The following PLEKHG3 variants were observed in gnomAD, a reference collection of about 807,000 sequenced individuals.
PLEKHG3 encodes pleckstrin homology and RhoGEF domain containing G3.
Under a neutral mutation model 94.9 loss-of-function variants are expected in PLEKHG3, and 62 were observed. The ratio of observed to expected loss-of-function variants is 0.65; its 90% CI spans 0.53 to 0.81. The LOEUF (loss-of-function observed/expected upper bound fraction) is 0.81. Among genes scored for constraint, PLEKHG3 ranks in the 30% least tolerant of loss-of-function variants. The probability of loss-of-function intolerance (pLI) is 0.00; values close to 1 mark genes in which losing one functional copy is unlikely to be tolerated. For synonymous variants in PLEKHG3, 614 were observed against 654.0 expected, an observed-to-expected ratio of 0.94 and a Z score of 0.93; for missense variants, 1,461 against 1,619.3, an observed-to-expected ratio of 0.90 and a Z score of 1.68.
At position 64,738,872 on chromosome 14, in the gene PLEKHG3, T is replaced by G. The variant is rs1465795765; in HGVS notation, c.1518+17T>G. On this transcript the variant is annotated intron_variant, in intron 15 of 16. Coordinates refer to ENST00000247226, the MANE Select transcript of PLEKHG3 (RefSeq NM_001308147.2). This position sits in a 1 kb window ranked among gnomAD's most constrained non-coding sequence, Gnocchi z 4.8. ...CTGCCAGAGGTGAGCGACCAGCAGG[T>G]GGGATGGGGATAGTAGGAAGAACTT... 2.0e-6 allele frequency: 3 copies of G among 1,479,270 alleles called. No homozygotes were observed. The highest frequency in any genetic ancestry group is 2.8e-6 in the Non-Finnish European group (3 of 1,076,500). The allele number at this position is 1,479,270 out of a possible 1,614,324, so 91.6% of individuals were successfully genotyped here. A position where few individuals can be genotyped will look rare whatever the true frequency, so the allele number is the denominator to read the frequency against.
chr14:64,749,378 G>A lies in PLEKHG3; in HGVS notation c.*5675G>A, dbSNP rs1387313899. The A allele has an allele frequency of 1.9e-6, 3 of 1,610,194 alleles. No homozygotes were observed. Among genetic ancestry groups the A allele is most frequent in the Non-Finnish European group, 2.5e-6 (3 of 1,179,786 alleles). ...TGCCGAGGCTGGCGTCGGGGCCGGA[G>A]AGGGAAGGCAGGGGCAGGCTCTGCG... On this transcript the variant is annotated 3_prime_UTR_variant, in exon 17 of 17. Transcript: ENST00000247226. The surrounding 1 kb of genome is among the most constrained non-coding windows in gnomAD (Gnocchi z 4.7).
intron 1 of PLEKHG3, among the ~76,000 whole-genome samples, chr14:64,712,869 TC>T (rs1246397728): frequency 6.6e-6 from 1 of 152,238 alleles, no homozygotes; most frequent in East Asian, 1.9e-4. Flanking sequence ...AGACTGGATA[TC>T]CTTGTCTTCT....
chr14:64,723,989 T>G lies in PLEKHG3; in HGVS notation c.-39-3604T>G, dbSNP rs1456308257. ...TGCTGCCTGCCTCATCACCTCCTTCTCTGGCCTCCTACTTCCCTAGCAGAC... is the reference window on the plus strand; with the variant it reads ...TGCTGCCTGCCTCATCACCTCCTTCGCTGGCCTCCTACTTCCCTAGCAGAC... On this transcript the variant is annotated intron_variant, in intron 1 of 16. Coordinates refer to ENST00000247226, the MANE Select transcript of PLEKHG3 (RefSeq NM_001308147.2). The surrounding 1 kb of genome is among the most constrained non-coding windows in gnomAD (Gnocchi z 4.5). 1 of 152,154 alleles carries G rather than the reference T, an allele frequency of 6.6e-6. No homozygotes were observed. Among genetic ancestry groups the G allele is most frequent in the East Asian group, 1.9e-4 (1 of 5,194 alleles). 9.4% of individuals were successfully genotyped at this position (152,154 alleles called of 1,614,324 possible). A position where few individuals can be genotyped will look rare whatever the true frequency, so the allele number is the denominator to read the frequency against.
intron 1 of PLEKHG3, among the ~76,000 whole-genome samples, chr14:64,711,844 A>T (rs187751700): frequency 6.6e-6 from 1 of 152,350 alleles, no homozygotes; most frequent in African/African-American, 2.4e-5. Context: ...TAAAATTTTG[A>T]TGATGAAGTA....
chr14:64,728,008 A>G lies in PLEKHG3; in HGVS notation c.351+26A>G, dbSNP rs907827386. 8 of 1,395,340 alleles carry G rather than the reference A, an allele frequency of 5.7e-6. 1 individual carries two copies. Among genetic ancestry groups the G allele is most frequent in the Middle Eastern group, 4.3e-4 (2 of 4,694 alleles). 86.4% of individuals were successfully genotyped at this position (1,395,340 alleles called of 1,614,324 possible). On this transcript the variant is annotated intron_variant, in intron 2 of 16. Transcript: ENST00000247226. This position sits in a 1 kb window ranked among gnomAD's most constrained non-coding sequence, Gnocchi z 5.9. ...GTGCGTGTCGGAGGCCTTGCGGCAC[A>G]GTATTCTAGCAGAAGCCTGTTTCAC...
rs915424863 is a variant in PLEKHG3, at chr14:64,732,004, T to G, written c.1126-91T>G. Reference sequence around the variant, plus strand: ...CACAGAGGCCCCAGCATGGCCCCACTTTTTCTCCCTGGGTGGAAGCACTGT... The same window carrying G: ...CACAGAGGCCCCAGCATGGCCCCACGTTTTCTCCCTGGGTGGAAGCACTGT... On this transcript the variant is annotated intron_variant, in intron 9 of 16. Transcript: ENST00000247226. The surrounding 1 kb of genome is among the most constrained non-coding windows in gnomAD (Gnocchi z 4.9). 6.8e-6 allele frequency: 7 copies of G among 1,036,500 alleles called. No individual in the cohort carries two copies. Among genetic ancestry groups the G allele is most frequent in the Non-Finnish European group, 9.1e-6 (6 of 661,040 alleles). The allele number at this position is 1,036,500 out of a possible 1,614,324, so 64.2% of individuals were successfully genotyped here. A position where few individuals can be genotyped will look rare whatever the true frequency, so the allele number is the denominator to read the frequency against.
chr14:64,727,895 C>T lies in PLEKHG3; in HGVS notation c.264C>T (p.His88=). 3.1e-6 allele frequency: 5 copies of T among 1,612,874 alleles called. No homozygotes were observed. Among genetic ancestry groups the T allele is most frequent in the Non-Finnish European group, 4.2e-6 (5 of 1,179,278 alleles). ...FNSRAAAGPA[H]HKLSYLGRVV... is the part of the protein sequence containing the mutation. ...GCCGGGCAGCGGCAGGGCCTGCACACCACAAGCTCAGCTACCTGGGCCGAG... is the reference window on the plus strand; with the variant it reads ...GCCGGGCAGCGGCAGGGCCTGCACATCACAAGCTCAGCTACCTGGGCCGAG... The change falls in exon 2 of 17, where the codon CAC becomes CAT. Residue 88 remains histidine, a synonymous_variant. Coordinates refer to ENST00000247226, the MANE Select transcript of PLEKHG3 (RefSeq NM_001308147.2). The surrounding 1 kb of genome is among the most constrained non-coding windows in gnomAD (Gnocchi z 6.0).
chr14:64,707,924 A>G (rs1044809027), intron 1 of PLEKHG3, among the ~76,000 whole-genome samples: 3 of 152,232 alleles, frequency 2.0e-5, no homozygotes, highest in African/African-American at 7.2e-5. Context: ...GGCAATGTAC[A>G]GTGAGATAAC....
intron 12 of PLEKHG3, among the ~76,000 whole-genome samples, chr14:64,733,229 A>G (rs1319879034): frequency 7.1e-6 from 1 of 141,798 alleles, no homozygotes; most frequent in Non-Finnish European, 1.5e-5. Flanking sequence ...CAGTGGCTCG[A>G]TCTCGGCTCA....
At position 64,732,754 on chromosome 14, in the gene PLEKHG3, C is replaced by T. The variant is rs1376576336; in HGVS notation, c.1247-49C>T. 8 of 1,450,594 alleles carry T rather than the reference C, an allele frequency of 5.5e-6. No homozygotes were observed. The South Asian group carries it at 9.7e-5, about 18-fold the overall frequency. 89.9% of individuals were successfully genotyped at this position (1,450,594 alleles called of 1,614,324 possible). A position where few individuals can be genotyped will look rare whatever the true frequency, so the allele number is the denominator to read the frequency against. The stretch of plus-strand genomic sequence containing the variant: ...GTTATGGACAGGGTCTAGGGTAGGC[C>T]AAGGCCAATTGGGAATCAAAAGCTT... On this transcript the variant is annotated intron_variant, in intron 11 of 16. Coordinates refer to ENST00000247226, the MANE Select transcript of PLEKHG3 (RefSeq NM_001308147.2). This position sits in a 1 kb window ranked among gnomAD's most constrained non-coding sequence, Gnocchi z 4.9.
chr14:64,727,925 G>A lies in PLEKHG3; in HGVS notation c.294G>A (p.Val98=). Residue 98 remains valine, a synonymous_variant, in exon 2 of 17, where the codon GTG becomes GTA. Transcript: ENST00000247226. The surrounding 1 kb of genome is among the most constrained non-coding windows in gnomAD (Gnocchi z 6.0). ...AGCTCAGCTACCTGGGCCGAGTGGT[G>A]CGGGAGATCGTGGAGACAGAGCGCA... ...HHKLSYLGRV[V]REIVETERMY... 6.2e-7 allele frequency: 1 copy of A among 1,609,240 alleles called. No individual in the cohort carries two copies. Among genetic ancestry groups the A allele is most frequent in the South Asian group, 1.1e-5 (1 of 90,896 alleles).
intron 15 of PLEKHG3, among the ~76,000 whole-genome samples, chr14:64,740,473 C>T (rs1327616836): frequency 1.3e-5 from 2 of 152,256 alleles, no homozygotes; most frequent in African/African-American, 2.4e-5. Context: ...TGGTCCTCAT[C>T]CTCTGACGAG....
Position 64,727,540 on chromosome 14 carries a change from C to T in PLEKHG3, c.-39-53C>T. The T allele has an allele frequency of 2.6e-6, 1 of 390,138 alleles. No homozygotes were observed. The highest frequency in any genetic ancestry group is 3.2e-5 in the Admixed American group (1 of 31,164). The allele number at this position is 390,138 out of a possible 1,614,324, so 24.2% of individuals were successfully genotyped here. On this transcript the variant is annotated intron_variant, in intron 1 of 16. Transcript: ENST00000247226. This position sits in a 1 kb window ranked among gnomAD's most constrained non-coding sequence, Gnocchi z 6.0. ...CACCCCTGGCAACCGTCCCTCTGTT[C>T]TGTTTCTGTGGGCATTCAGAGGTTG...
rs371648572 is a variant in PLEKHG3 at position 64,741,131 on chromosome 14, A to G, written c.1614A>G (p.Pro538=). ...AEETPSDTES[P]EVLETQLDAH... is the part of the protein sequence containing the mutation. ...AGACGCCTTCAGACACAGAATCTCC[A>G]GAAGTCCTGGAGACACAGCTTGATG... The change falls in exon 16 of 17, where the codon CCA becomes CCG. Residue 538 remains proline (P), a synonymous_variant. Coordinates refer to ENST00000247226, the MANE Select transcript of PLEKHG3 (RefSeq NM_001308147.2). 1 of 1,614,130 alleles carries G rather than the reference A, an allele frequency of 6.2e-7. No homozygotes were observed.
At chr14:64,719,736 A>T (rs1304711255) in intron 1 of PLEKHG3, among the ~76,000 whole-genome samples, 2 of 151,856 alleles carry the variant, frequency 1.3e-5, no homozygotes, top group Admixed American at 1.3e-4. Context: ...AGTAAAATGC[A>T]GCTTCCTCCT....
rs1187331977 is a variant in PLEKHG3, at chr14:64,716,461, CACACA to C, written c.-39-11126_-39-11122del. Among the ~76,000 whole-genome samples, 18 of 120,284 alleles carry C rather than the reference CACACA, an allele frequency of 1.5e-4. No homozygotes were observed. The highest frequency in any genetic ancestry group is 5.4e-4 in the South Asian group (2 of 3,674). The allele number at this position is 120,284 out of a possible 152,430, so 78.9% of individuals were successfully genotyped here. A position where few individuals can be genotyped will look rare whatever the true frequency, so the allele number is the denominator to read the frequency against. ...ACACACACACACACACACACACACACACACAACACACACACACACAACACACACAC... is the reference window on the plus strand; with the variant it reads ...ACACACACACACACACACACACACACACACACACACACACAACACACACAC... On this transcript the variant is annotated intron_variant, in intron 1 of 16. Coordinates refer to ENST00000247226, the MANE Select transcript of PLEKHG3 (RefSeq NM_001308147.2). This position sits in a 1 kb window ranked among gnomAD's most constrained non-coding sequence, Gnocchi z 5.0.
At position 64,737,016 on chromosome 14, in the gene PLEKHG3, C is replaced by G. The variant is rs142950067; in HGVS notation, c.1384+125C>G. 6.4e-4 allele frequency: 510 copies of G among 793,568 alleles called. 1 individual carries two copies. The African/African-American group carries it at 7.9e-3, about 12-fold the overall frequency. The allele number at this position is 793,568 out of a possible 1,614,324, so 49.2% of individuals were successfully genotyped here. ...TTGTCAGAATAGTGTAGAGGGAACT[C>G]TGCCTCCATTCCCCCCAGAAGAGGG... On this transcript the variant is annotated intron_variant, in intron 13 of 16. Coordinates refer to ENST00000247226, the MANE Select transcript of PLEKHG3 (RefSeq NM_001308147.2).
chr14:64,732,739 G>C lies in PLEKHG3; in HGVS notation c.1247-64G>C, dbSNP rs2081492560. 4 of 1,263,630 alleles carry C rather than the reference G, an allele frequency of 3.2e-6. No individual in the cohort carries two copies. The South Asian group carries it at 5.2e-5, about 16-fold the overall frequency. 78.3% of individuals were successfully genotyped at this position (1,263,630 alleles called of 1,614,324 possible). ...ATAGAGGTCTGGCTGGTTATGGACA[G>C]GGTCTAGGGTAGGCCAAGGCCAATT... On this transcript the variant is annotated intron_variant, in intron 11 of 16. Transcript: ENST00000247226. This position sits in a 1 kb window ranked among gnomAD's most constrained non-coding sequence, Gnocchi z 4.9.
chr14:64,714,715 G>A (rs917516067), intron 1 of PLEKHG3, among the ~76,000 whole-genome samples: 1 of 152,178 alleles, frequency 6.6e-6, no homozygotes, highest in African/African-American at 2.4e-5. Flanking sequence ...ACCAGGCAGC[G>A]GAGAGGAGGT....
Sources: gnomAD v4.1 joint callset for allele counts (sites outside exome capture counted in the v4.1 genomes callset) on GRCh38, gnomAD v4.1.1 for gene constraint, Gnocchi (gnomAD v3.1) non-coding constraint, MANE v1.5 for transcripts, NCBI Gene and HGNC (gene_info 2026-07-23, HGNC 2026-07-21) for gene names.